The following KCTD8 variants were observed in gnomAD, a reference collection of about 807,000 sequenced individuals.
KCTD8 encodes the protein BTB/POZ domain-containing protein KCTD8.
Under a neutral mutation model 31.5 loss-of-function variants are expected in KCTD8, and 27 were observed. The observed-to-expected ratio is 0.86, with a 90% CI of 0.63 to 1.18. KCTD8 has a LOEUF of 1.18. KCTD8 is among the 50% of genes most tolerant of loss of function. The pLI is 0.00. For synonymous variants in KCTD8, 290 were observed against 280.0 expected (o/e 1.04, Z -0.36); for missense variants, 658 against 647.7 (o/e 1.02, Z -0.17).
Position 44,295,897 on chromosome 4 carries a change from A to G in KCTD8, c.962-120647T>C, listed in dbSNP as rs190789019. Among the ~76,000 whole-genome samples the G allele has an allele frequency of 2.5e-3, 386 of 152,314 alleles. 1 individual carries two copies. Among genetic ancestry groups the G allele is most frequent in the African/African-American group, 8.5e-3 (355 of 41,568 alleles). On this transcript the variant is annotated intron_variant, in intron 1 of 1. Transcript: ENST00000360029. ...ATTTATTACATATTAATTCACTTTC[A>G]GTAGCTTCTCTTTGTAAAATAGTTA...
At chr4:44,204,464 C>A (rs571985233) in intron 1 of KCTD8, among the ~76,000 whole-genome samples, 89 of 152,258 alleles carry the variant, frequency 5.8e-4, no homozygotes, top group African/African-American at 1.9e-3. Flanking sequence ...CTGTTCTGTT[C>A]TGTTCTAATT....
chr4:44,229,890 C>A (rs1482975742), intron 1 of KCTD8, among the ~76,000 whole-genome samples: 3 of 151,768 alleles, frequency 2.0e-5, no homozygotes, highest in African/African-American at 7.3e-5. Context: ...AGGTTTGTTA[C>A]ATAGGTATAC....
chr4:44,319,175 G>A (rs1195093518), intron 1 of KCTD8, among the ~76,000 whole-genome samples: 1 of 152,156 alleles, frequency 6.6e-6, no homozygotes. Context: ...GAGAGAACTT[G>A]GATAATACTG....
chr4:44,380,816 TG>T (rs1021487062), intron 1 of KCTD8, among the ~76,000 whole-genome samples: 2 of 151,928 alleles, frequency 1.3e-5, no homozygotes, highest in Non-Finnish European at 2.9e-5. Flanking sequence ...TTTTATAATT[TG>T]GGGGGTTTTC....
At chr4:44,250,616 C>T (rs1004598764) in intron 1 of KCTD8, among the ~76,000 whole-genome samples, 1 of 151,710 alleles carries the variant, frequency 6.6e-6, no homozygotes, top group Admixed American at 6.6e-5. Context: ...TTACAATTCT[C>T]TCTCTAGGTT....
intron 1 of KCTD8, among the ~76,000 whole-genome samples, chr4:44,205,691 A>T (rs370472079): frequency 5.3e-5 from 8 of 152,356 alleles, no homozygotes; most frequent in East Asian, 1.9e-4. Context: ...GGAAATAACA[A>T]ATATAATGTA....
At chr4:44,293,260 C>T (rs143973408) in intron 1 of KCTD8, 8 of 227,474 alleles carry the variant, frequency 3.5e-5, no homozygotes, top group African/African-American at 1.6e-4. Context: ...TAGTTGATGA[C>T]CTTTTCCCTT....
intron 1 of KCTD8, among the ~76,000 whole-genome samples, chr4:44,210,436 A>G (rs1284438810): frequency 1.3e-5 from 2 of 152,230 alleles, no homozygotes. Flanking sequence ...GTCTAATCCA[A>G]TGAGGTTATA....
In KCTD8 at chr4:44,364,434, T is replaced by A. The variant is rs140430885; in HGVS notation, c.961+83129A>T. On this transcript the variant is annotated intron_variant, in intron 1 of 1. Transcript: ENST00000360029. ...TAAAATCCAAAACACTGGCAAAACC[T>A]GAGGGTAAGAATATGGCGCAACAGG... Among the ~76,000 whole-genome samples, 958 of 152,096 alleles carry A rather than the reference T, an allele frequency of 6.3e-3. 19 individuals are homozygous for A. The highest frequency in any genetic ancestry group is 5.3e-3 in the Non-Finnish European group (363 of 67,962).
intron 1 of KCTD8, among the ~76,000 whole-genome samples, chr4:44,252,888 G>A (rs895163122): frequency 4.0e-5 from 6 of 151,720 alleles, no homozygotes; most frequent in South Asian, 2.1e-4. Context: ...GCAACAGCTC[G>A]AATAATATAT....
At chr4:44,274,547 C>T (rs1262007933) in intron 1 of KCTD8, among the ~76,000 whole-genome samples, 2 of 151,758 alleles carry the variant, frequency 1.3e-5, no homozygotes, top group Non-Finnish European at 2.9e-5. Context: ...AGTCATTCTT[C>T]TGATTTTCAC....
intron 1 of KCTD8, among the ~76,000 whole-genome samples, chr4:44,352,344 T>A (rs376028339): frequency 6.6e-6 from 1 of 152,002 alleles, no homozygotes; most frequent in African/African-American, 2.4e-5. Flanking sequence ...ATACCTAGAT[T>A]ACTTGATTGA....
chr4:44,324,462 T>C (rs1577616583), intron 1 of KCTD8, among the ~76,000 whole-genome samples: 1 of 152,068 alleles, frequency 6.6e-6, no homozygotes, highest in East Asian at 1.9e-4. Context: ...ATGTCTCTGA[T>C]CTGATGCATT....
At position 44,406,312 on chromosome 4, in the gene KCTD8, G is replaced by C. The variant is rs188467479; in HGVS notation, c.961+41251C>G. ...TTGAAAAACATGACTCTTCTCTTTT[G>C]ATATGCTTTGGCTCTGTGTCCCCAC... On this transcript the variant is annotated intron_variant, in intron 1 of 1. Coordinates refer to ENST00000360029, the MANE Select transcript of KCTD8 (RefSeq NM_198353.3). Among the ~76,000 whole-genome samples, 14 of 152,170 alleles carry C rather than the reference G, an allele frequency of 9.2e-5. No homozygotes were observed. In the East Asian group the frequency reaches 2.1e-3, roughly 23 times the overall value.
chr4:44,337,169 T>C (rs1009411065), intron 1 of KCTD8, among the ~76,000 whole-genome samples: 1 of 152,114 alleles, frequency 6.6e-6, no homozygotes, highest in African/African-American at 2.4e-5. Flanking sequence ...CAAATATGTT[T>C]AAACAATAAC....
intron 1 of KCTD8, among the ~76,000 whole-genome samples, chr4:44,331,560 C>A (rs1220651547): frequency 2.6e-5 from 4 of 151,468 alleles, no homozygotes; most frequent in Admixed American, 2.6e-4. Context: ...CATGAATTAA[C>A]CAATGTGCAA....
chr4:44,200,014 G>A (rs552344804), intron 1 of KCTD8, among the ~76,000 whole-genome samples: 2 of 151,746 alleles, frequency 1.3e-5, no homozygotes, highest in South Asian at 4.2e-4. Flanking sequence ...TCCTGAAAGG[G>A]TACTGTAAAC....
In KCTD8 at chr4:44,193,222, G is replaced by C. The variant is rs557075267; in HGVS notation, c.962-17972C>G. On this transcript the variant is annotated intron_variant, in intron 1 of 1. Transcript: ENST00000360029. ...ATATTTATTGAATACTTATGGATCA[G>C]GTACCATGCTTTATACATAGCATCT... 7.2e-5 allele frequency among the ~76,000 whole-genome samples: 11 copies of C among 152,166 alleles called. No homozygotes were observed. The South Asian group carries it at 1.2e-3, about 17-fold the overall frequency.
At chr4:44,440,025 G>A (rs537267577) in intron 1 of KCTD8, among the ~76,000 whole-genome samples, 1 of 151,702 alleles carries the variant, frequency 6.6e-6, no homozygotes, top group African/African-American at 2.4e-5. Context: ...TCTGCCTCCT[G>A]GGTTCAAGCA....
Sources: gnomAD v4.1 joint callset for allele counts (sites outside exome capture counted in the v4.1 genomes callset) on GRCh38, gnomAD v4.1.1 for gene constraint, MANE v1.5 for transcripts, NCBI Gene and HGNC (gene_info 2026-07-23, HGNC 2026-07-21) for gene names.